The following TPRG1 variants were observed in gnomAD, a reference collection of about 807,000 sequenced individuals.
TPRG1 encodes tumor protein p63-regulated gene 1 protein.
In TPRG1, 29 loss-of-function variants were observed where a neutral mutation model predicts 29.3. That is an observed-to-expected ratio of 0.99 (90% CI 0.74 to 1.35). The LOEUF is 1.35. Ranked by LOEUF, TPRG1 falls within the 40% of genes most tolerant of loss-of-function variation. The probability of loss-of-function intolerance (pLI) is 0.00; values close to 1 mark genes in which losing one functional copy is unlikely to be tolerated. For synonymous variants in TPRG1, 130 were observed against 116.8 expected (o/e 1.11, Z -0.73); for missense variants, 327 against 335.0 (o/e 0.98, Z 0.19).
intron 3 of TPRG1, among the ~76,000 whole-genome samples, chr3:189,142,382 A>C (rs13065347): frequency 0.97 from 147,664 of 152,208 alleles, 71,655 homozygotes; most frequent in East Asian, 1. Context: ...TAAAACCCAT[A>C]TCCCATGCTT....
At chr3:189,215,265 A>AC in intron 2 of TPRG1, 27 bp from the exon 3 acceptor site, 1 of 1,593,176 alleles carries the variant, frequency 6.3e-7, no homozygotes, top group South Asian at 1.1e-5. Flanking sequence ...TCTGCTCTAA[A>AC]CTAGGTATTT....
At chr3:189,007,134 C>T (rs975620951) in intron 3 of TPRG1, among the ~76,000 whole-genome samples, 4 of 151,984 alleles carry the variant, frequency 2.6e-5, no homozygotes, top group South Asian at 2.1e-4. Context: ...AGAAAATTTT[C>T]GCAACCTACT....
In TPRG1 at chr3:189,060,743, T is replaced by C. The variant is rs6781907; in HGVS notation, c.-463+36797T>C. Among the ~76,000 whole-genome samples, 1,103 of 152,202 alleles carry C rather than the reference T, an allele frequency of 7.2e-3. 12 individuals are homozygous for C. Among genetic ancestry groups the C allele is most frequent in the African/African-American group, 0.025 (1,058 of 41,512 alleles). On this transcript the variant is annotated intron_variant, in intron 4 of 10. Transcript: ENST00000433971. ...CTAGGAATACAGCTAACCAGAAAGG[T>C]AAAATATCTCTACAATGAGAATTTT...
At chr3:189,018,985 T>C (rs1449209641) in intron 3 of TPRG1, among the ~76,000 whole-genome samples, 11 of 152,210 alleles carry the variant, frequency 7.2e-5, no homozygotes, top group Admixed American at 7.2e-4. Context: ...TTGATTCTCT[T>C]TGAAGCAATT....
intron 4 of TPRG1, among the ~76,000 whole-genome samples, chr3:189,269,664 A>G (rs1016832123): frequency 4.6e-5 from 7 of 152,220 alleles, no homozygotes; most frequent in African/African-American, 1.4e-4. Flanking sequence ...TATAAATATA[A>G]TTCAAGAAAT....
chr3:189,147,801 CT>C (rs1725452379), intron 4 of TPRG1, among the ~76,000 whole-genome samples: 1 of 152,122 alleles, frequency 6.6e-6, no homozygotes, highest in Non-Finnish European at 1.5e-5. Context: ...CTGACTTTTG[CT>C]TGTTGCTTGA....
Position 189,163,595 on chromosome 3 carries a change from C to T in TPRG1, c.-10+12723C>T, listed in dbSNP as rs545954867. ...TAAACCTGTTTCTTTAATGAAATGA[C>T]GACTTTTACGGGGCAACAAGTTTCC... On this transcript the variant is annotated intron_variant, in intron 5 of 6. Coordinates refer to the TPRG1 transcript ENST00000412373. Among the ~76,000 whole-genome samples, 28 of 152,238 alleles carry T rather than the reference C, an allele frequency of 1.8e-4. No individual in the cohort carries two copies. The South Asian group carries it at 2.5e-3, about 14-fold the overall frequency.
chr3:189,280,577 A>G (rs1716956719), intron 4 of TPRG1, among the ~76,000 whole-genome samples: 1 of 152,050 alleles, frequency 6.6e-6, no homozygotes, highest in South Asian at 2.1e-4. Context: ...ACATGCACCT[A>G]AACAGGACCA....
intron 4 of TPRG1, among the ~76,000 whole-genome samples, chr3:189,262,370 C>A (rs181296638): frequency 6.6e-6 from 1 of 152,148 alleles, no homozygotes; most frequent in African/African-American, 2.4e-5. Flanking sequence ...GTGGAGGATG[C>A]ACTTCATGCT....
In TPRG1 at chr3:189,321,209, T is replaced by C. The variant is rs953971647; in HGVS notation, c.*389T>C. The C allele has an allele frequency of 1.3e-5, 2 of 154,616 alleles. No individual in the cohort carries two copies. The highest frequency in any genetic ancestry group is 4.9e-5 in the African/African-American group (2 of 41,210). The allele number at this position is 154,616 out of a possible 1,614,324, so 9.6% of individuals were successfully genotyped here. ...CCTCTTATCCTGATTTATTCTCTCA[T>C]TGGGGTCTCACTGTCTCTAGTATTT... On this transcript the variant is annotated 3_prime_UTR_variant, in exon 6 of 6. Transcript: ENST00000345063.
At chr3:189,017,254 G>A in intron 3 of TPRG1, among the ~76,000 whole-genome samples, 1 of 148,394 alleles carries the variant, frequency 6.7e-6, no homozygotes, top group African/African-American at 2.5e-5. Context: ...TATACTTTAA[G>A]TTTTAGGGTA....
intron 4 of TPRG1, among the ~76,000 whole-genome samples, chr3:189,044,837 A>T (rs1714869454): frequency 6.6e-6 from 1 of 152,230 alleles, no homozygotes; most frequent in African/African-American, 2.4e-5. Context: ...AAAGGGAATG[A>T]TATGATCAGA....
chr3:189,301,396 A>G (rs1577008801), intron 4 of TPRG1, among the ~76,000 whole-genome samples: 1 of 151,870 alleles, frequency 6.6e-6, no homozygotes, highest in Non-Finnish European at 1.5e-5. Context: ...TAGAGGCTTC[A>G]CATTTTAAAT....
chr3:189,252,645 C>T (rs780236936), intron 4 of TPRG1, among the ~76,000 whole-genome samples: 3 of 152,120 alleles, frequency 2.0e-5, no homozygotes, highest in Non-Finnish European at 4.4e-5. Flanking sequence ...CATTTTCCTG[C>T]TATTTGAATT....
At chr3:189,260,065 T>C (rs1162955214) in intron 4 of TPRG1, among the ~76,000 whole-genome samples, 1 of 152,188 alleles carries the variant, frequency 6.6e-6, no homozygotes, top group Non-Finnish European at 1.5e-5. Flanking sequence ...GAAGTCGGGC[T>C]GACAGGGAGT....
intron 3 of TPRG1, among the ~76,000 whole-genome samples, chr3:189,230,074 C>T (rs1041766332): frequency 2.6e-5 from 4 of 152,132 alleles, no homozygotes; most frequent in Non-Finnish European, 5.9e-5. Context: ...AGGAGAAAGT[C>T]GGTCAGGGGT....
In TPRG1 at chr3:189,109,610, C is replaced by T. The variant is rs201253626; in HGVS notation, c.-744+9406C>T. ...ATTACAATGAATTATAGAAAATGAACGTATAATACATTTAAGTGTGTTTAC... is the reference window on the plus strand; with the variant it reads ...ATTACAATGAATTATAGAAAATGAATGTATAATACATTTAAGTGTGTTTAC... On this transcript the variant is annotated intron_variant, in intron 1 of 6. Coordinates refer to the TPRG1 transcript ENST00000412373. Among the ~76,000 whole-genome samples, 26 of 152,212 alleles carry T rather than the reference C, an allele frequency of 1.7e-4. No homozygotes were observed. In the East Asian group the frequency reaches 3.7e-3, roughly 21 times the overall value.
chr3:189,014,225 C>T (rs1267176658), intron 3 of TPRG1, among the ~76,000 whole-genome samples: 1 of 152,144 alleles, frequency 6.6e-6, no homozygotes, highest in Non-Finnish European at 1.5e-5. Context: ...TCAGGATTTG[C>T]TTGTCTGAAC....
intron 4 of TPRG1, among the ~76,000 whole-genome samples, chr3:189,026,791 G>A (rs1713684873): frequency 1.3e-5 from 2 of 152,138 alleles, no homozygotes; most frequent in Non-Finnish European, 2.9e-5. Context: ...ACGAAGCTGT[G>A]CTATAGACAG....
Sources: allele counts gnomAD v4.1 joint callset (sites outside exome capture counted in the v4.1 genomes callset), GRCh38; gene constraint gnomAD v4.1.1; transcripts MANE v1.5; gene names NCBI Gene and HGNC (gene_info 2026-07-23, HGNC 2026-07-21).